Variants in DOCK2 observed in about 807,000 individuals in gnomAD.
The protein encoded by DOCK2 is dedicator of cytokinesis protein 2.
In DOCK2, 87 loss-of-function variants were observed where a neutral mutation model predicts 248.9. The observed-to-expected ratio is 0.35, with a 90% CI of 0.29 to 0.42. The LOEUF is 0.42. DOCK2 is among the 10% of genes least tolerant of loss of function. The pLI is 1.00. For synonymous variants in DOCK2, 805 were observed against 821.6 expected, an observed-to-expected ratio of 0.98 and a Z score of 0.35; for missense variants, 1,747 against 2,300.2, an observed-to-expected ratio of 0.76 and a Z score of 4.92.
At chr5:169,678,495 C>A (rs13173922) in intron 6 of DOCK2, among the ~76,000 whole-genome samples, 6,066 of 152,202 alleles carry the variant, frequency 0.04, 173 homozygotes, top group Non-Finnish European at 0.063. Context: ...GAACTCCTGA[C>A]CTTGTGATCC....
intron 6 of DOCK2, among the ~76,000 whole-genome samples, chr5:169,680,934 T>G (rs978480620): frequency 6.6e-6 from 1 of 152,052 alleles, no homozygotes; most frequent in Admixed American, 6.6e-5. Flanking sequence ...TGTTTTATTG[T>G]TATTTATTTA....
intron 22 of DOCK2, among the ~76,000 whole-genome samples, chr5:169,738,443 G>A (rs532248100): frequency 6.6e-6 from 1 of 152,300 alleles, no homozygotes; most frequent in South Asian, 2.1e-4. Context: ...AATGGGTCTT[G>A]ATGACTCAAT....
At chr5:169,648,764 C>T (rs1290316334) in intron 1 of DOCK2, among the ~76,000 whole-genome samples, 1 of 152,196 alleles carries the variant, frequency 6.6e-6, no homozygotes, top group South Asian at 2.1e-4. Context: ...GGTGGCTGTG[C>T]GTAAAGCCCT....
chr5:169,766,117 T>C (rs1301290656), intron 25 of DOCK2, among the ~76,000 whole-genome samples: 2 of 152,202 alleles, frequency 1.3e-5, no homozygotes, highest in East Asian at 3.8e-4. Context: ...TGCAGGTTTG[T>C]TACATGAATT....
intron 27 of DOCK2, among the ~76,000 whole-genome samples, chr5:169,964,786 T>C (rs1225729141): frequency 2.0e-5 from 3 of 152,190 alleles, no homozygotes; most frequent in Non-Finnish European, 4.4e-5. Flanking sequence ...GTGTCTTCAT[T>C]TGTAAAAGGT....
intron 27 of DOCK2, among the ~76,000 whole-genome samples, chr5:169,907,736 T>C (rs1237681827): frequency 1.3e-5 from 2 of 152,170 alleles, no homozygotes; most frequent in African/African-American, 4.8e-5. Context: ...TCTAGAGCAG[T>C]GGTTTTCAAC....
intron 2 of DOCK2, among the ~76,000 whole-genome samples, chr5:169,667,270 G>A (rs1387867823): frequency 6.6e-6 from 1 of 152,178 alleles, no homozygotes; most frequent in Non-Finnish European, 1.5e-5. Context: ...CCATCACATG[G>A]GAGACAATGT....
chr5:169,991,200 A>T (rs1778197160), intron 29 of DOCK2, among the ~76,000 whole-genome samples: 1 of 152,196 alleles, frequency 6.6e-6, no homozygotes, highest in African/African-American at 2.4e-5. Flanking sequence ...TGGGCCAGGG[A>T]GTAGTACATG....
intron 10 of DOCK2, among the ~76,000 whole-genome samples, chr5:169,696,841 A>G (rs1207318873): frequency 6.7e-6 from 1 of 149,902 alleles, no homozygotes; most frequent in Non-Finnish European, 1.5e-5. Flanking sequence ...TTTTTTTTTA[A>G]CCTGGCACTG....
At chr5:169,782,305 G>A (rs180739483) in intron 25 of DOCK2, among the ~76,000 whole-genome samples, 1 of 152,072 alleles carries the variant, frequency 6.6e-6, no homozygotes, top group African/African-American at 2.4e-5. Flanking sequence ...GACAGACCCT[G>A]GGTTTGGGGT....
chr5:169,686,816 G>C (rs1760011730), intron 8 of DOCK2, among the ~76,000 whole-genome samples: 2 of 152,170 alleles, frequency 1.3e-5, no homozygotes, highest in African/African-American at 2.4e-5. Context: ...GATCCTGTTT[G>C]GGAAATTTAA....
chr5:169,758,852 G>A (rs1764331094), intron 23 of DOCK2, among the ~76,000 whole-genome samples: 2 of 152,306 alleles, frequency 1.3e-5, no homozygotes, highest in South Asian at 4.1e-4. Flanking sequence ...CTTTAGGAAA[G>A]TAATTTTCAC....
chr5:170,064,393 G>T (rs769022943), intron 44 of DOCK2, among the ~76,000 whole-genome samples: 2 of 151,902 alleles, frequency 1.3e-5, no homozygotes, highest in Non-Finnish European at 2.9e-5. Flanking sequence ...AACAAACCGA[G>T]AATTCTAACA....
intron 27 of DOCK2, among the ~76,000 whole-genome samples, chr5:169,952,364 C>T (rs1776697151): frequency 6.6e-6 from 1 of 152,040 alleles, no homozygotes; most frequent in Non-Finnish European, 1.5e-5. Context: ...CTCCAAGTAA[C>T]TCAATCTCCT....
intron 41 of DOCK2, among the ~76,000 whole-genome samples, chr5:170,052,726 C>G (rs1756962484): frequency 6.6e-6 from 1 of 152,190 alleles, no homozygotes; most frequent in Non-Finnish European, 1.5e-5. Flanking sequence ...GAACAGCATT[C>G]TCTTTATTAA....
Position 169,699,570 on chromosome 5 carries a change from C to A in DOCK2, c.1132+112C>A, listed in dbSNP as rs1760839783. 3 of 1,032,840 alleles carry A rather than the reference C, an allele frequency of 2.9e-6. No individual in the cohort carries two copies. The East Asian group carries it at 7.6e-5, about 26-fold the overall frequency. The allele number at this position is 1,032,840 out of a possible 1,614,324, so 64.0% of individuals were successfully genotyped here. A position where few individuals can be genotyped will look rare whatever the true frequency, so the allele number is the denominator to read the frequency against. On this transcript the variant is annotated intron_variant, in intron 12 of 51. Transcript: ENST00000520908. ...TGGGATACTTAGCTTTCCTTCCAGACAGACCACTGGGAAGAATGGGAACAT... is the reference window on the plus strand; with the variant it reads ...TGGGATACTTAGCTTTCCTTCCAGAAAGACCACTGGGAAGAATGGGAACAT...
intron 27 of DOCK2, chr5:169,864,372 C>T (rs958557527): frequency 3.7e-5 from 57 of 1,551,206 alleles, no homozygotes; most frequent in Middle Eastern, 1.7e-4. Flanking sequence ...TTGGTGGGGG[C>T]GATGCCTCCT....
chr5:169,716,392 CTCATGGCCT>C (rs1011667596), intron 20 of DOCK2, 90 bp downstream of exon 20: 1 of 1,293,712 alleles, frequency 7.7e-7, no homozygotes, highest in African/African-American at 1.5e-5. Flanking sequence ...CCTCATGGCC[CTCATGGCCT>C]TTTTCATGAA....
intron 27 of DOCK2, among the ~76,000 whole-genome samples, chr5:169,847,692 T>C (rs1398089534): frequency 1.3e-5 from 2 of 152,174 alleles, no homozygotes; most frequent in Non-Finnish European, 2.9e-5. Context: ...AGACCTAAAA[T>C]AGATTTTGCT....
Sources: gnomAD v4.1 joint callset for allele counts (sites outside exome capture counted in the v4.1 genomes callset) on GRCh38, gnomAD v4.1.1 for gene constraint, MANE v1.5 for transcripts, NCBI Gene and HGNC (gene_info 2026-07-23, HGNC 2026-07-21) for gene names.